WDHD1: variants seen among roughly 807,000 people sequenced by gnomAD.
WDHD1 encodes the protein WD repeat and HMG-box DNA-binding protein 1.
Under a neutral mutation model 135.4 loss-of-function variants are expected in WDHD1, and 111 were observed. That is an observed-to-expected ratio of 0.82 (90% CI 0.70 to 0.96). WDHD1 has a LOEUF of 0.96. WDHD1 is among the 40% of genes least tolerant of loss of function. The pLI, the probability that WDHD1 is intolerant of heterozygous loss-of-function variation, is 0.00. For missense variants in WDHD1, 1,351 were observed against 1,336.3 expected (o/e 1.01, Z -0.17); for synonymous variants, 434 against 439.0 (o/e 0.99, Z 0.14).
intron 18 of WDHD1, among the ~76,000 whole-genome samples, chr14:54,964,531 C>A (rs888716564): frequency 2.0e-5 from 3 of 151,718 alleles, no homozygotes; most frequent in Non-Finnish European, 4.4e-5. Flanking sequence ...CCCAGCTACT[C>A]GGGAGGCTGA....
chr14:54,967,731 C>T (rs1191840782), intron 16 of WDHD1, among the ~76,000 whole-genome samples: 4 of 152,116 alleles, frequency 2.6e-5, no homozygotes, highest in South Asian at 2.1e-4. Flanking sequence ...AGCAATCCTC[C>T]CACCTCAGCC....
At chr14:55,024,008 CTCA>C (rs2042391864) in intron 2 of WDHD1, among the ~76,000 whole-genome samples, 1 of 152,088 alleles carries the variant, frequency 6.6e-6, no homozygotes, top group Non-Finnish European at 1.5e-5. Flanking sequence ...ATTTTATGCA[CTCA>C]TGACATACTT....
intron 22 of WDHD1, 69 bp downstream of exon 22, chr14:54,957,523 T>C: frequency 2.2e-6 from 3 of 1,347,408 alleles, no homozygotes; most frequent in Non-Finnish European, 3.1e-6. Context: ...AGTCATCTCA[T>C]CATTTGGAAA....
At chr14:54,947,795 T>C (rs2040954505) in intron 24 of WDHD1, among the ~76,000 whole-genome samples, 1 of 151,974 alleles carries the variant, frequency 6.6e-6, no homozygotes, top group Non-Finnish European at 1.5e-5. Flanking sequence ...TTTCACCATG[T>C]TGGCCAGGCT....
At chr14:54,966,651 T>A (rs761006505) in intron 17 of WDHD1, 45 bp from the exon 18 acceptor site, 1 of 1,560,046 alleles carries the variant, frequency 6.4e-7, no homozygotes, top group Admixed American at 2.1e-5. Flanking sequence ...ATCACCTTAA[T>A]ATGAGGCAAG....
intron 4 of WDHD1, among the ~76,000 whole-genome samples, chr14:55,009,946 G>A (rs558621761): frequency 1.6e-4 from 25 of 151,736 alleles, no homozygotes; most frequent in African/African-American, 4.6e-4. Flanking sequence ...TCAGCTTCCC[G>A]AGTAGCTGGG....
chr14:55,007,249 A>T, intron 7 of WDHD1, 31 bp downstream of exon 7: 2 of 1,409,980 alleles, frequency 1.4e-6, no homozygotes, highest in Non-Finnish European at 9.6e-7. Context: ...AAAAAAAAAA[A>T]GAAAAGAAAA....
intron 16 of WDHD1, among the ~76,000 whole-genome samples, chr14:54,977,747 T>C (rs1044347112): frequency 2.6e-5 from 4 of 152,182 alleles, no homozygotes; most frequent in Non-Finnish European, 4.4e-5. Flanking sequence ...CTAAAATCCT[T>C]CTAAGTGTAA....
At chr14:55,011,149 C>A (rs2042161716) in intron 3 of WDHD1, among the ~76,000 whole-genome samples, 1 of 152,220 alleles carries the variant, frequency 6.6e-6, no homozygotes, top group Middle Eastern at 3.2e-3. Context: ...TAAACTAATA[C>A]AAGACCATGT....
At chr14:54,942,531 A>G (rs2040856573) in intron 25 of WDHD1, among the ~76,000 whole-genome samples, 1 of 152,180 alleles carries the variant, frequency 6.6e-6, no homozygotes, top group South Asian at 2.1e-4. Context: ...GTCAAAATAC[A>G]GAACCTCTTC....
chr14:55,017,149 C>G (rs1441566061), intron 2 of WDHD1, among the ~76,000 whole-genome samples: 1 of 152,112 alleles, frequency 6.6e-6, no homozygotes, highest in Non-Finnish European at 1.5e-5. Flanking sequence ...AAAAGTTTAA[C>G]ACTAATGATA....
chr14:55,016,166 C>G (rs1160412824), intron 2 of WDHD1, among the ~76,000 whole-genome samples: 2 of 152,116 alleles, frequency 1.3e-5, no homozygotes, highest in Non-Finnish European at 2.9e-5. Flanking sequence ...TTAGAGTAGT[C>G]TGAATGTTTT....
chr14:54,997,289 T>C (rs940677600), intron 10 of WDHD1, among the ~76,000 whole-genome samples: 1 of 151,762 alleles, frequency 6.6e-6, no homozygotes, highest in Non-Finnish European at 1.5e-5. Flanking sequence ...AGAGACGGGG[T>C]TTCCCCATGT....
At position 54,981,626 on chromosome 14, in the gene WDHD1, A is replaced by T. The variant is rs1447261857; in HGVS notation, c.1977T>A (p.Thr659=). ...AGTGCTCTCTTGTATTACATATAGG[A>T]GTCCACGTATTACCAAGTCCTCTGT... ...MLNRGLGNTW[T]PICNTREHCK... is the part of the protein sequence containing the mutation. Residue 659 remains threonine (T), a synonymous_variant, in exon 16 of 26, where the codon ACT becomes ACA. Coordinates refer to ENST00000360586, the MANE Select transcript of WDHD1 (RefSeq NM_007086.4). 1 of 1,612,154 alleles carries T rather than the reference A, an allele frequency of 6.2e-7. No homozygotes were observed. The highest frequency in any genetic ancestry group is 8.5e-7 in the Non-Finnish European group (1 of 1,178,338).
At chr14:54,966,164 TAAAAAAAAA>T (rs34071862) in intron 18 of WDHD1, among the ~76,000 whole-genome samples, 1 of 67,198 alleles carries the variant, frequency 1.5e-5, no homozygotes, top group Non-Finnish European at 2.5e-5. Flanking sequence ...CCATCTCTAC[TAAAAAAAAA>T]AAAAAAAAAA....
intron 16 of WDHD1, among the ~76,000 whole-genome samples, chr14:54,979,766 C>G (rs1202858060): frequency 2.0e-5 from 3 of 152,158 alleles, no homozygotes; most frequent in Non-Finnish European, 4.4e-5. Context: ...CTATACTATC[C>G]ACTGAGTTTC....
In WDHD1 at chr14:55,002,554, T is replaced by C. The variant is rs147199684; in HGVS notation, c.601-369A>G. 1.1e-4 allele frequency among the ~76,000 whole-genome samples: 17 copies of C among 152,294 alleles called. No individual in the cohort carries two copies. In the East Asian group the frequency reaches 2.9e-3, roughly 26 times the overall value. Reference sequence around the variant, plus strand: ...GAAAAAAATAAAGGTGATCACTCTATTGCTTGCACCCAAAAAATGGAGAAC... The same window carrying C: ...GAAAAAAATAAAGGTGATCACTCTACTGCTTGCACCCAAAAAATGGAGAAC... On this transcript the variant is annotated intron_variant, in intron 7 of 25. Transcript: ENST00000360586.
intron 3 of WDHD1, among the ~76,000 whole-genome samples, chr14:55,012,878 G>A (rs1183450558): frequency 1.3e-5 from 2 of 151,930 alleles, no homozygotes; most frequent in African/African-American, 4.8e-5. Context: ...CTGTTATGTT[G>A]GGGATTAAGT....
chr14:54,972,946 T>C (rs1400986759), intron 16 of WDHD1, among the ~76,000 whole-genome samples: 1 of 152,218 alleles, frequency 6.6e-6, no homozygotes, highest in African/African-American at 2.4e-5. Flanking sequence ...AAACCTGTTC[T>C]GAGTAGTCTA....
Sources: gnomAD v4.1 joint callset for allele counts (sites outside exome capture counted in the v4.1 genomes callset) on GRCh38, gnomAD v4.1.1 for gene constraint, MANE v1.5 for transcripts, NCBI Gene and HGNC (gene_info 2026-07-23, HGNC 2026-07-21) for gene names.